The following CWF19L1 variants were observed in gnomAD, a reference collection of about 807,000 sequenced individuals.
The protein encoded by CWF19L1 is CWF19-like protein 1.
A neutral mutation model predicts 69.7 loss-of-function variants in CWF19L1; 60 were observed. That is an observed-to-expected ratio of 0.86 (90% CI 0.70 to 1.07). CWF19L1 has a LOEUF of 1.07. CWF19L1 is among the 50% of genes least tolerant of loss of function. CWF19L1 has a pLI of 0.00. For missense variants in CWF19L1, 591 were observed against 638.9 expected (o/e 0.92, Z 0.81); for synonymous variants, 209 against 222.2 (o/e 0.94, Z 0.53).
chr10:100,239,304 G>A (rs1393663336), intron 10 of CWF19L1, among the ~76,000 whole-genome samples: 1 of 152,102 alleles, frequency 6.6e-6, no homozygotes, highest in Non-Finnish European at 1.5e-5. Context: ...AGCACAGAAG[G>A]GCCCAATGAG....
chr10:100,244,740 G>A (rs971756282), intron 9 of CWF19L1, among the ~76,000 whole-genome samples: 1 of 151,974 alleles, frequency 6.6e-6, no homozygotes, highest in African/African-American at 2.4e-5. Context: ...TGCAATCTCC[G>A]CCTCCTGGGT....
At chr10:100,238,269 G>C in intron 10 of CWF19L1, 38 bp from the exon 11 acceptor site, 1 of 1,583,500 alleles carries the variant, frequency 6.3e-7, no homozygotes, top group African/African-American at 1.3e-5. Flanking sequence ...CATCAATACA[G>C]CATGTAGGAT....
intron 10 of CWF19L1, 123 bp downstream of exon 10, chr10:100,243,575 A>G: frequency 1.2e-6 from 1 of 861,684 alleles, no homozygotes; most frequent in Non-Finnish European, 1.9e-6. Context: ...CAGTAACCTT[A>G]CGAAAATCAC....
chr10:100,237,060 G>T, intron 11 of CWF19L1, 91 bp from the exon 12 acceptor site: 1 of 1,462,218 alleles, frequency 6.8e-7, no homozygotes, highest in Admixed American at 2.1e-5. Flanking sequence ...ATCCATCACA[G>T]GGGTGGAGAA....
At chr10:100,252,625 G>A in intron 6 of CWF19L1, among the ~76,000 whole-genome samples, 1 of 152,032 alleles carries the variant, frequency 6.6e-6, no homozygotes. Flanking sequence ...ATGAGATCAA[G>A]AGTTCAAGAC....
At chr10:100,253,214 T>A (rs1307947633) in intron 6 of CWF19L1, among the ~76,000 whole-genome samples, 1 of 152,186 alleles carries the variant, frequency 6.6e-6, no homozygotes, top group African/African-American at 2.4e-5. Context: ...TACAAGTTCT[T>A]GATTCTGAAA....
At chr10:100,262,372 G>T in intron 1 of CWF19L1, 1 of 985,346 alleles carries the variant, frequency 1.0e-6, no homozygotes, top group Non-Finnish European at 1.2e-6. Context: ...CCCCCATCCA[G>T]TCACCAAGTC....
intron 13 of CWF19L1, among the ~76,000 whole-genome samples, 154 bp downstream of exon 13, chr10:100,235,513 T>C (rs1475906673): frequency 1.3e-5 from 2 of 152,182 alleles, no homozygotes; most frequent in Non-Finnish European, 2.9e-5. Context: ...CTACATTACA[T>C]TACTGTCATA....
At chr10:100,237,236 T>C (rs1846473166) in intron 11 of CWF19L1, 5 of 647,010 alleles carry the variant, frequency 7.7e-6, no homozygotes, top group Non-Finnish European at 1.5e-5. Context: ...TCCGATATTA[T>C]ATATGTGGCA....
At chr10:100,235,018 G>A (rs1846386504) in intron 13 of CWF19L1, among the ~76,000 whole-genome samples, 1 of 152,080 alleles carries the variant, frequency 6.6e-6, no homozygotes. Flanking sequence ...CATTAGCCAG[G>A]TATGGCTATT....
chr10:100,264,008 C>T (rs1847488144), intron 1 of CWF19L1, among the ~76,000 whole-genome samples: 2 of 152,176 alleles, frequency 1.3e-5, no homozygotes, highest in Admixed American at 1.3e-4. Flanking sequence ...TTTCGGTCAA[C>T]AAGGGACCAC....
chr10:100,254,504 G>A lies in CWF19L1; in HGVS notation c.505-965C>T, dbSNP rs1847146037. On this transcript the variant is annotated intron_variant, in intron 5 of 13. Coordinates refer to ENST00000354105, the MANE Select transcript of CWF19L1 (RefSeq NM_018294.6). ...TTTATGAACTCTATTCTAAGAGAAG[G>A]TATTACTTGGAAATAAGCTAACAAA... 2.0e-5 allele frequency: 3 copies of A among 152,106 alleles called. No individual in the cohort carries two copies. In the South Asian group the frequency reaches 6.2e-4, roughly 32 times the overall value. The allele number at this position is 152,106 out of a possible 1,614,324, so 9.4% of individuals were successfully genotyped here.
At chr10:100,237,560 C>G (rs904427978) in intron 11 of CWF19L1, among the ~76,000 whole-genome samples, 9 of 152,106 alleles carry the variant, frequency 5.9e-5, no homozygotes, top group Non-Finnish European at 1.3e-4. Context: ...GGGTTACCAC[C>G]AGATACTCTT....
rs559137308 is a variant in CWF19L1 at position 100,246,693 on chromosome 10, A to G, written c.849+102T>C. ...AACATCATCATGATTTCCCAAGGGGAAAAAAAAGATTTAGATTCTAACGAT... is the reference window on the plus strand; with the variant it reads ...AACATCATCATGATTTCCCAAGGGGGAAAAAAAGATTTAGATTCTAACGAT... On this transcript the variant is annotated intron_variant, in intron 8 of 13. Coordinates refer to ENST00000354105, the MANE Select transcript of CWF19L1 (RefSeq NM_018294.6). 75 of 1,155,594 alleles carry G rather than the reference A, an allele frequency of 6.5e-5. No individual in the cohort carries two copies. In the African/African-American group the frequency reaches 1.1e-3, roughly 16 times the overall value. 71.6% of individuals were successfully genotyped at this position (1,155,594 alleles called of 1,614,324 possible).
intron 1 of CWF19L1, among the ~76,000 whole-genome samples, chr10:100,267,149 A>ACCC (rs1847625314): frequency 2.8e-5 from 1 of 35,350 alleles, no homozygotes; most frequent in African/African-American, 1.6e-4. Flanking sequence ...CCTCCTCGCA[A>ACCC]AAAAAAAAAA....
intron 7 of CWF19L1, chr10:100,248,689 C>G (rs2134296166): frequency 1.0e-6 from 1 of 982,718 alleles, no homozygotes; most frequent in Non-Finnish European, 1.6e-6. Flanking sequence ...CTAAAGAGAG[C>G]TGGTCTCCAG....
In CWF19L1 at chr10:100,244,497, G is replaced by A. The variant is rs563866059; in HGVS notation, c.965-720C>T. On this transcript the variant is annotated intron_variant, in intron 9 of 13. Coordinates refer to ENST00000354105, the MANE Select transcript of CWF19L1 (RefSeq NM_018294.6). ...CAGCCTCCTAAGTAGCTGGGACTACGGGCGTCTGCCACCACGCCTGGTTAA... is the reference window on the plus strand; with the variant it reads ...CAGCCTCCTAAGTAGCTGGGACTACAGGCGTCTGCCACCACGCCTGGTTAA... Among the ~76,000 whole-genome samples, 457 of 150,342 alleles carry A rather than the reference G, an allele frequency of 3.0e-3. 4 individuals are homozygous for A. The highest frequency in any genetic ancestry group is 0.011 in the African/African-American group (446 of 40,896).
At chr10:100,262,469 C>A (rs959295066) in intron 1 of CWF19L1, 1 of 985,382 alleles carries the variant, frequency 1.0e-6, no homozygotes, top group Non-Finnish European at 1.2e-6. Flanking sequence ...CTCCTCCTAT[C>A]TTAGTACAGG....
At chr10:100,245,763 G>A in intron 9 of CWF19L1, 36 bp downstream of exon 9, 1 of 1,515,846 alleles carries the variant, frequency 6.6e-7, no homozygotes. Context: ...AACAGTTACT[G>A]TTCATAGAAG....
Sources: gnomAD v4.1 joint callset for allele counts (sites outside exome capture counted in the v4.1 genomes callset) on GRCh38, gnomAD v4.1.1 for gene constraint, MANE v1.5 for transcripts, NCBI Gene and HGNC (gene_info 2026-07-23, HGNC 2026-07-21) for gene names.